Variants in KPNA3 observed in about 807,000 individuals in gnomAD.
The protein encoded by KPNA3 is karyopherin subunit alpha 3.
Under a neutral mutation model 73.8 loss-of-function variants are expected in KPNA3, and 13 were observed. The observed-to-expected ratio is 0.18, with a 90% confidence interval of 0.11 to 0.28. The LOEUF (loss-of-function observed/expected upper bound fraction) is 0.28. Among genes scored for constraint, KPNA3 ranks in the 10% least tolerant of loss-of-function variants. The probability of loss-of-function intolerance (pLI) is 1.00; values close to 1 mark genes in which losing one functional copy is unlikely to be tolerated. For missense variants in KPNA3, 360 were observed against 618.1 expected (o/e 0.58, Z 4.43); for synonymous variants, 186 against 206.9 (o/e 0.90, Z 0.87).
intron 15 of KPNA3, among the ~76,000 whole-genome samples, chr13:49,703,236 T>G (rs777193277): frequency 2.4e-4 from 32 of 135,438 alleles, no homozygotes; most frequent in Admixed American, 2.3e-3. Flanking sequence ...AGGGCTGGAG[T>G]GCAGTGGCAC....
intron 7 of KPNA3, 105 bp from the exon 8 acceptor site, chr13:49,722,668 G>T (rs760172353): frequency 6.2e-6 from 4 of 641,028 alleles, no homozygotes; most frequent in Non-Finnish European, 1.1e-5. Context: ...TATTGTAGCT[G>T]GAAGAACAAA....
chr13:49,709,945 GA>G (rs1476171010), intron 11 of KPNA3, among the ~76,000 whole-genome samples: 2 of 152,002 alleles, frequency 1.3e-5, no homozygotes, highest in Non-Finnish European at 2.9e-5. Flanking sequence ...AAAATAAAAG[GA>G]AATTAAAATT....
chr13:49,787,914 G>A (rs9591300), intron 1 of KPNA3, among the ~76,000 whole-genome samples: 126 of 151,510 alleles, frequency 8.3e-4, no homozygotes, highest in African/African-American at 2.9e-3. Context: ...TCCTGACCTC[G>A]GGTGATCCAC....
intron 1 of KPNA3, among the ~76,000 whole-genome samples, chr13:49,789,507 A>G (rs147779619): frequency 6.2e-4 from 94 of 152,308 alleles, no homozygotes; most frequent in African/African-American, 2.2e-3. Flanking sequence ...CATCTTGTGT[A>G]TCAGCTGCTT....
At chr13:49,733,921 GC>G (rs1293303960) in intron 2 of KPNA3, among the ~76,000 whole-genome samples, 1 of 152,208 alleles carries the variant, frequency 6.6e-6, no homozygotes, top group African/African-American at 2.4e-5. Context: ...AGTAAGGGAA[GC>G]CTGCAGAAAA....
At position 49,775,413 on chromosome 13, in the gene KPNA3, A is replaced by T. The variant is rs1954890015; in HGVS notation, c.69+17025T>A. Among the ~76,000 whole-genome samples the T allele has an allele frequency of 2.0e-5, 3 of 152,284 alleles. No homozygotes were observed. In the South Asian group the frequency reaches 6.2e-4, roughly 32 times the overall value. Reference sequence around the variant, plus strand: ...CCCGGGTGGCCACCCCTAGGGCAGCACACCACATGGGAAACACTGACCAAA... The same window carrying T: ...CCCGGGTGGCCACCCCTAGGGCAGCTCACCACATGGGAAACACTGACCAAA... On this transcript the variant is annotated intron_variant, in intron 1 of 16. Coordinates refer to ENST00000261667, the MANE Select transcript of KPNA3 (RefSeq NM_002267.4).
intron 2 of KPNA3, among the ~76,000 whole-genome samples, chr13:49,734,519 C>T (rs1159540971): frequency 6.6e-6 from 1 of 152,118 alleles, no homozygotes; most frequent in Non-Finnish European, 1.5e-5. Flanking sequence ...AATTATTTCA[C>T]TCTTAGATAA....
At position 49,727,484 on chromosome 13, in the gene KPNA3, G is replaced by C. The variant is rs552073263; in HGVS notation, c.384-1983C>G. Among the ~76,000 whole-genome samples the C allele has an allele frequency of 2.7e-5, 4 of 150,900 alleles. No homozygotes were observed. The South Asian group carries it at 6.3e-4, about 24-fold the overall frequency. ...AAAAAGAAAGAAAAAAGAGAAAAAA[G>C]GTTGAAGAGATCCAAGAACAAAAGG... On this transcript the variant is annotated intron_variant, in intron 6 of 16. Coordinates refer to ENST00000261667, the MANE Select transcript of KPNA3 (RefSeq NM_002267.4).
intron 1 of KPNA3, among the ~76,000 whole-genome samples, chr13:49,778,462 T>C (rs1954914475): frequency 6.6e-6 from 1 of 152,214 alleles, no homozygotes. Flanking sequence ...GCTGCCCTAT[T>C]CACGAATCAT....
rs551454581 is a variant in KPNA3, at chr13:49,760,995, G to A, written c.70-14002C>T. Among the ~76,000 whole-genome samples, 6 of 152,174 alleles carry A rather than the reference G, an allele frequency of 3.9e-5. No individual in the cohort carries two copies. In the South Asian group the frequency reaches 8.3e-4, roughly 21 times the overall value. ...CGTTGGCAAGTGTGATAATGGTATC[G>A]TGTTTTTAAAAAGAATTCCTATATT... is the stretch of plus-strand genomic sequence containing the variant. On this transcript the variant is annotated intron_variant, in intron 1 of 16. Transcript: ENST00000261667.
chr13:49,728,610 G>A (rs1594439012), intron 6 of KPNA3, among the ~76,000 whole-genome samples: 1 of 152,164 alleles, frequency 6.6e-6, no homozygotes, highest in East Asian at 1.9e-4. Flanking sequence ...TAAAGACAAA[G>A]TACAATCGAA....
chr13:49,756,001 C>T (rs1954708155), intron 1 of KPNA3, among the ~76,000 whole-genome samples: 1 of 152,124 alleles, frequency 6.6e-6, no homozygotes, highest in Admixed American at 6.5e-5. Context: ...GGTGTGGTGG[C>T]TCACATCTGT....
At chr13:49,722,830 T>TAAAAAAAAAAA (rs10693298) in intron 7 of KPNA3, among the ~76,000 whole-genome samples, 1 of 79,650 alleles carries the variant, frequency 1.3e-5, no homozygotes. Flanking sequence ...TATAATCCAT[T>TAAAAAAAAAAA]AAAAAAAAAA....
rs1954147828 is a variant in KPNA3 at position 49,701,539 on chromosome 13, G to A, written c.*261C>T. 1 of 557,398 alleles carries A rather than the reference G, an allele frequency of 1.8e-6. No individual in the cohort carries two copies. Among genetic ancestry groups the A allele is most frequent in the Admixed American group, 2.2e-5 (1 of 45,212 alleles). 34.5% of individuals were successfully genotyped at this position (557,398 alleles called of 1,614,324 possible). A position where few individuals can be genotyped will look rare whatever the true frequency, so the allele number is the denominator to read the frequency against. ...CTGCAGTTGTCAGCCTGTGGCACCA[G>A]GGAACAGGGAAAAATAGGGTAGTTG... is the stretch of plus-strand genomic sequence containing the variant. On this transcript the variant is annotated 3_prime_UTR_variant, in exon 17 of 17. Transcript: ENST00000261667.
chr13:49,776,637 T>G (rs1031799277), intron 1 of KPNA3, among the ~76,000 whole-genome samples: 3 of 152,204 alleles, frequency 2.0e-5, no homozygotes, highest in Non-Finnish European at 4.4e-5. Context: ...GAAAAATAAC[T>G]ATAAGTGAAT....
Position 49,710,981 on chromosome 13 carries a change from A to G in KPNA3, c.813T>C (p.Asp271=), listed in dbSNP as rs1366318597. Residue 271 remains aspartate, a synonymous_variant, in exon 11 of 17, where the codon GAT becomes GAC. Coordinates refer to ENST00000261667, the MANE Select transcript of KPNA3 (RefSeq NM_002267.4). ...CCATCTGTATCTGTTCATTACCTCCATCTGTCAAGTATGACAGAGCCCAAA... is the reference window on the plus strand; with the variant it reads ...CCATCTGTATCTGTTCATTACCTCCGTCTGTCAAGTATGACAGAGCCCAAA... ...DTVWALSYLT[D]GGNEQIQMVI... is the part of the protein sequence containing the mutation. The G allele has an allele frequency of 6.2e-7, 1 of 1,612,944 alleles. No homozygotes were observed. The highest frequency in any genetic ancestry group is 1.7e-4 in the Middle Eastern group (1 of 6,060).
intron 7 of KPNA3, among the ~76,000 whole-genome samples, chr13:49,724,840 G>GCTTGCA (rs1310355536): frequency 4.0e-5 from 6 of 151,816 alleles, no homozygotes; most frequent in Non-Finnish European, 5.9e-5. Context: ...CAAGTGATCT[G>GCTTGCA]CTTGCCTTAG....
chr13:49,740,488 T>G (rs1278722102), intron 2 of KPNA3, among the ~76,000 whole-genome samples: 1 of 152,146 alleles, frequency 6.6e-6, no homozygotes. Flanking sequence ...GGGTCTTTCC[T>G]GCGCTGTTCT....
chr13:49,786,904 G>A (rs1036830417), intron 1 of KPNA3, among the ~76,000 whole-genome samples: 2 of 152,214 alleles, frequency 1.3e-5, no homozygotes, highest in Non-Finnish European at 2.9e-5. Context: ...GAACACAGAA[G>A]AGCTAGGTAC....
Sources: allele counts gnomAD v4.1 joint callset (sites outside exome capture counted in the v4.1 genomes callset), GRCh38; gene constraint gnomAD v4.1.1; transcripts MANE v1.5; gene names NCBI Gene and HGNC (gene_info 2026-07-23, HGNC 2026-07-21).